BAP1: variants seen among roughly 807,000 people sequenced by gnomAD.
BAP1 encodes BRCA1 associated deubiquitinase 1.
In BAP1, 16 loss-of-function variants were observed where a neutral mutation model predicts 77.2. That is an observed-to-expected ratio of 0.21 (90% CI 0.14 to 0.31). The LOEUF (loss-of-function observed/expected upper bound fraction) is 0.31. Among genes scored for constraint, BAP1 ranks in the 10% least tolerant of loss-of-function variants. The pLI is 1.00. For missense variants in BAP1, 699 were observed against 967.3 expected (o/e 0.72, Z 3.68); for synonymous variants, 362 against 385.2 (o/e 0.94, Z 0.71).
In BAP1 at chr3:52,406,423, G is replaced by T; in HGVS notation, c.660-47C>A. 6.2e-7 allele frequency: 1 copy of T among 1,608,090 alleles called. No homozygotes were observed. On this transcript the variant is annotated intron_variant, in intron 8 of 16. Coordinates refer to ENST00000460680, the MANE Select transcript of BAP1 (RefSeq NM_004656.4). The surrounding 1 kb of genome is among the most constrained non-coding windows in gnomAD (Gnocchi z 4.6). Reference sequence around the variant, plus strand: ...TGAGAGCAGCTCCCGCCCCGGCCCCGCCATCAGGTTGAGGCAGATATCCTG... The same window carrying T: ...TGAGAGCAGCTCCCGCCCCGGCCCCTCCATCAGGTTGAGGCAGATATCCTG...
At chr3:52,409,106 A>T (rs1347340605) in intron 3 of BAP1, among the ~76,000 whole-genome samples, 1 of 152,214 alleles carries the variant, frequency 6.6e-6, no homozygotes, top group African/African-American at 2.4e-5. Flanking sequence ...TCTCTTACAC[A>T]TCTATTCTGC....
chr3:52,402,335 G>T lies in BAP1; in HGVS notation c.2143C>A (p.Pro715Thr). 2 of 1,590,360 alleles carry T rather than the reference G, an allele frequency of 1.3e-6. No individual in the cohort carries two copies. Among genetic ancestry groups the T allele is most frequent in the Non-Finnish European group, 8.5e-7 (1 of 1,169,870 alleles). The change falls in exon 17 of 17, where the codon CCT becomes ACT. Residue 715 changes from proline to threonine, a missense_variant. By Grantham distance (38) the Pro-to-Thr change is conservative (BLOSUM62 -1). Transcript: ENST00000460680. The surrounding 1 kb of genome is among the most constrained non-coding windows in gnomAD (Gnocchi z 5.3). ...GGGCGAGAGCGTTTCCGCCGGTCAG[G>T]CTTCCGCTGCTTGTGGAGCCGGCCG... Reference protein sequence around the residue: ...SIGRLHKQRKPDRRKRSRPYK... With the variant: ...SIGRLHKQRKTDRRKRSRPYK...
intron 3 of BAP1, among the ~76,000 whole-genome samples, chr3:52,408,920 G>C (rs1705256576): frequency 6.6e-6 from 1 of 152,238 alleles, no homozygotes; most frequent in African/African-American, 2.4e-5. Context: ...GGATGGGACA[G>C]GGTAGGAACA....
rs563202696 is a variant in BAP1 at position 52,402,033 on chromosome 3, G to A, written c.*255C>T. On this transcript the variant is annotated 3_prime_UTR_variant, in exon 17 of 17. Transcript: ENST00000460680. This position sits in a 1 kb window ranked among gnomAD's most constrained non-coding sequence, Gnocchi z 5.3. Reference sequence around the variant, plus strand: ...GGCCAGGTCCTGCTGCTCCACAGCCGGCTGTGGAGGAAGCTGCAGTACCTC... The same window carrying A: ...GGCCAGGTCCTGCTGCTCCACAGCCAGCTGTGGAGGAAGCTGCAGTACCTC... The A allele has an allele frequency of 9.9e-6, 6 of 604,766 alleles. No individual in the cohort carries two copies. Among genetic ancestry groups the A allele is most frequent in the Non-Finnish European group, 1.7e-5 (6 of 347,224 alleles). 37.5% of individuals were successfully genotyped at this position (604,766 alleles called of 1,614,324 possible). A position where few individuals can be genotyped will look rare whatever the true frequency, so the allele number is the denominator to read the frequency against.
intron 1 of BAP1, 38 bp from the exon 2 acceptor site, chr3:52,409,781 C>T (rs1437547721): frequency 6.2e-7 from 1 of 1,613,266 alleles, no homozygotes; most frequent in Non-Finnish European, 8.5e-7. Flanking sequence ...GATGGTCAGG[C>T]AGGCGCGTCC....
rs752211673 is a variant in BAP1, at chr3:52,402,691, G to A, written c.1984-17C>T. On this transcript the variant is annotated splice_polypyrimidine_tract_variant and intron_variant, in intron 15 of 16. Coordinates refer to ENST00000460680, the MANE Select transcript of BAP1 (RefSeq NM_004656.4). This position sits in a 1 kb window ranked among gnomAD's most constrained non-coding sequence, Gnocchi z 5.3. ...GTCATCAATCTGTAGGAGAGAAGAA[G>A]ACTGAGAGCACTGGAGCCAATCTTG... The A allele has an allele frequency of 5.6e-6, 9 of 1,614,144 alleles. No individual in the cohort carries two copies. The highest frequency in any genetic ancestry group is 7.6e-6 in the Non-Finnish European group (9 of 1,179,982).
chr3:52,405,994 G>A (rs781241379), intron 9 of BAP1, 82 bp from the exon 10 acceptor site: 11 of 1,591,980 alleles, frequency 6.9e-6, no homozygotes, highest in Non-Finnish European at 9.4e-6. Context: ...AGGACCTAAA[G>A]GAATAATGGC....
chr3:52,403,138 C>A lies in BAP1; in HGVS notation c.1890G>T (p.Lys630Asn). Residue 630 changes from lysine (K) to asparagine (N), a missense_variant and splice_region_variant, in exon 14 of 17, where the codon AAG (lysine) becomes AAT (asparagine). By Grantham distance (94) the Lys-to-Asn change is moderately conservative. This residue lies in a region of BAP1 where 475 missense variants were observed against 532.4 expected (regional missense o/e 0.89). Coordinates refer to ENST00000460680, the MANE Select transcript of BAP1 (RefSeq NM_004656.4). The surrounding 1 kb of genome is among the most constrained non-coding windows in gnomAD (Gnocchi z 4.0). The stretch of plus-strand genomic sequence containing the variant: ...GGAGAAAACCACAACGGAGGCTCAC[C>A]TTGGGTGAGTATTTCTCCCCACTCA... The part of the protein sequence containing the change: ...EPLSGEKYSP[K>N]ELLALLKCVE... The A allele has an allele frequency of 6.2e-7, 1 of 1,613,202 alleles. No homozygotes were observed. Among genetic ancestry groups the A allele is most frequent in the East Asian group, 2.2e-5 (1 of 44,882 alleles).
At position 52,406,322 on chromosome 3, in the gene BAP1, C is replaced by G. The variant is rs1340520481; in HGVS notation, c.714G>C (p.Arg238Ser). 6.2e-7 allele frequency: 1 copy of G among 1,614,208 alleles called. No individual in the cohort carries two copies. Among genetic ancestry groups the G allele is most frequent in the Non-Finnish European group, 8.5e-7 (1 of 1,180,034 alleles). ...CATGCAGCCTGGCCTCATACTTGAT[C>G]CTGCGGTCGGGCACCACTGCCATCA... ...FNLMAVVPDR[R>S]IKYEARLHVL... Residue 238 changes from arginine to serine, a missense_variant, in exon 9 of 17, where the codon AGG (arginine) becomes AGC (serine). This residue lies in a region of BAP1 where 475 missense variants were observed against 532.4 expected (regional missense o/e 0.89). Coordinates refer to ENST00000460680, the MANE Select transcript of BAP1 (RefSeq NM_004656.4). This position sits in a 1 kb window ranked among gnomAD's most constrained non-coding sequence, Gnocchi z 4.6.
chr3:52,406,668 G>A lies in BAP1; in HGVS notation c.659+161C>T, dbSNP rs1011657624. 2.0e-5 allele frequency: 20 copies of A among 978,546 alleles called. No individual in the cohort carries two copies. Among genetic ancestry groups the A allele is most frequent in the Non-Finnish European group, 3.1e-5 (20 of 652,818 alleles). 60.6% of individuals were successfully genotyped at this position (978,546 alleles called of 1,614,324 possible). A position where few individuals can be genotyped will look rare whatever the true frequency, so the allele number is the denominator to read the frequency against. ...CCAGGAGCAGGCCACAGGCAGCCCA[G>A]GCAGGAAATAAGACAACAAGTTGAG... On this transcript the variant is annotated intron_variant, in intron 8 of 16. Coordinates refer to ENST00000460680, the MANE Select transcript of BAP1 (RefSeq NM_004656.4). The surrounding 1 kb of genome is among the most constrained non-coding windows in gnomAD (Gnocchi z 4.6).
intron 10 of BAP1, 195 bp from the exon 11 acceptor site, chr3:52,405,489 GAAGAAAAAAAAAAAAAAA>G: frequency 1.8e-5 from 1 of 56,718 alleles, no homozygotes. Context: ...AAAGAAGCAG[GAAGAAAAAAAAAAAAAAA>G]AAAAAAAAAA....
At chr3:52,404,333 C>T in intron 12 of BAP1, 120 bp downstream of exon 12, 10 of 1,554,304 alleles carry the variant, frequency 6.4e-6, no homozygotes, top group Non-Finnish European at 8.0e-6. Flanking sequence ...TCCCCCAGGG[C>T]CCCAAACTCC....
chr3:52,404,016 G>T, intron 12 of BAP1, 122 bp from the exon 13 acceptor site: 2 of 1,029,956 alleles, frequency 1.9e-6, no homozygotes, highest in Non-Finnish European at 2.9e-6. Context: ...CTTATACTTG[G>T]TCCAAGCAAC....
intron 4 of BAP1, 41 bp downstream of exon 4, chr3:52,408,433 C>G (rs200961637): frequency 1.9e-5 from 30 of 1,603,272 alleles, no homozygotes. Context: ...AAAAACATGG[C>G]AGCATCCCAC....
At position 52,403,619 on chromosome 3, in the gene BAP1, G is replaced by A. The variant is rs1705045724; in HGVS notation, c.1526C>T (p.Ser509Leu). The A allele has an allele frequency of 2.5e-6, 4 of 1,614,092 alleles. No individual in the cohort carries two copies. The highest frequency in any genetic ancestry group is 3.4e-6 in the Non-Finnish European group (4 of 1,179,980). Residue 509 changes from serine (S) to leucine (L), a missense_variant, in exon 13 of 17, where the codon TCG becomes TTG. Ser to Leu is a moderately radical substitution (Grantham distance 145). Transcript: ENST00000460680. The surrounding 1 kb of genome is among the most constrained non-coding windows in gnomAD (Gnocchi z 4.0). The stretch of plus-strand genomic sequence containing the variant: ...CGTCGGGTTGGCTGAGCGGATAGGC[G>A]AGCGCAGTGGCGAGTTGAAAGCACT... The part of the protein sequence containing the change: ...IGSAFNSPLR[S>L]PIRSANPTRP...
At position 52,409,813 on chromosome 3, in the gene BAP1, G is replaced by T; in HGVS notation, c.37+29C>A. ...GTCCCGGGCCCATCCGGCCTCCCCA[G>T]CCCCTGGCCCTCCCGGTCCCCTCCT... On this transcript the variant is annotated intron_variant, in intron 1 of 16. Transcript: ENST00000460680. 1 of 1,612,934 alleles carries T rather than the reference G, an allele frequency of 6.2e-7. No homozygotes were observed.
At chr3:52,404,891 G>A (rs377499901) in intron 11 of BAP1, among the ~76,000 whole-genome samples, 4 of 152,318 alleles carry the variant, frequency 2.6e-5, no homozygotes, top group Admixed American at 6.5e-5. Flanking sequence ...CCACAGCCAC[G>A]TAACTAGATT....
Position 52,405,747 on chromosome 3 carries a change from TC to T in BAP1, c.931+17del. ...GGGTGGCTCTGAGGTCCACAAGAGG[TC>T]CCAAACCCCCCAGTACCTGTGTGGT... On this transcript the variant is annotated intron_variant, in intron 10 of 16. Transcript: ENST00000460680. 1 of 1,612,320 alleles carries T rather than the reference TC, an allele frequency of 6.2e-7. No homozygotes were observed. Among genetic ancestry groups the T allele is most frequent in the Non-Finnish European group, 8.5e-7 (1 of 1,179,936 alleles).
intron 10 of BAP1, 119 bp downstream of exon 10, chr3:52,405,646 C>T (rs1282925133): frequency 2.3e-5 from 34 of 1,474,564 alleles, no homozygotes; most frequent in Admixed American, 9.9e-5. Context: ...TACCTTCTGA[C>T]GGGGGAAGAA....
Sources: allele counts gnomAD v4.1 joint callset (sites outside exome capture counted in the v4.1 genomes callset), GRCh38; gene constraint gnomAD v4.1.1; regional missense constraint gnomAD v4.1.1; non-coding constraint Gnocchi (gnomAD v3.1); transcripts MANE v1.5; gene names NCBI Gene and HGNC (gene_info 2026-07-23, HGNC 2026-07-21).